Variants in ALK observed in about 807,000 individuals in gnomAD.
ALK encodes ALK receptor tyrosine kinase, also known as ALK tyrosine kinase receptor.
In ALK, 74 loss-of-function variants were observed where a neutral mutation model predicts 163.1. The observed-to-expected ratio is 0.45, with a 90% CI of 0.38 to 0.55. ALK has a LOEUF of 0.55. Ranked by LOEUF, ALK falls within the 20% of genes least tolerant of loss-of-function variation. The pLI is 0.00. For missense variants in ALK, 2,063 were observed against 2,105.3 expected (o/e 0.98, Z 0.39); for synonymous variants, 960 against 843.2 (o/e 1.14, Z -2.40).
At chr2:29,885,224 C>G (rs7590840) in intron 1 of ALK, among the ~76,000 whole-genome samples, 38,753 of 151,978 alleles carry the variant, frequency 0.25, 5,467 homozygotes, top group East Asian at 0.59. Flanking sequence ...GTAAGTTCAA[C>G]AATGAAGGCA....
intron 1 of ALK, among the ~76,000 whole-genome samples, chr2:29,726,550 A>T (rs1679581205): frequency 6.6e-6 from 1 of 152,218 alleles, no homozygotes; most frequent in Non-Finnish European, 1.5e-5. Flanking sequence ...GTCTCCAGAC[A>T]TGTTAGACAA....
At chr2:29,588,266 C>G (rs1324970100) in intron 3 of ALK, among the ~76,000 whole-genome samples, 1 of 152,118 alleles carries the variant, frequency 6.6e-6, no homozygotes, top group African/African-American at 2.4e-5. Flanking sequence ...GAGTCTCACT[C>G]TGTCGCCCAG....
intron 28 of ALK, 83 bp downstream of exon 28, chr2:29,196,687 A>G (rs2148141472): frequency 1.0e-6 from 1 of 988,300 alleles, no homozygotes; most frequent in Non-Finnish European, 1.6e-6. Flanking sequence ...GACTGGCTTG[A>G]CCTATTTCAT....
At chr2:29,420,688 G>C (rs930736739) in intron 4 of ALK, among the ~76,000 whole-genome samples, 3 of 151,532 alleles carry the variant, frequency 2.0e-5, no homozygotes, top group Non-Finnish European at 2.9e-5. Context: ...GAATAAGCAG[G>C]CAGAGTGGAT....
intron 26 of ALK, among the ~76,000 whole-genome samples, chr2:29,202,571 A>G (rs950657177): frequency 6.6e-6 from 1 of 152,268 alleles, no homozygotes; most frequent in Non-Finnish European, 1.5e-5. Flanking sequence ...ATTTTTAAAC[A>G]ATGCGTGAAA....
intron 4 of ALK, among the ~76,000 whole-genome samples, chr2:29,502,788 G>A (rs1274684061): frequency 6.6e-6 from 1 of 152,124 alleles, no homozygotes; most frequent in East Asian, 1.9e-4. Flanking sequence ...ACAGATGGAT[G>A]GGCTGGGTGC....
intron 3 of ALK, among the ~76,000 whole-genome samples, chr2:29,588,381 C>T (rs1674950981): frequency 6.6e-6 from 1 of 152,154 alleles, no homozygotes; most frequent in Non-Finnish European, 1.5e-5. Context: ...CAGGCACCCA[C>T]CACCATGCCT....
At chr2:29,616,142 T>G (rs1675838732) in intron 3 of ALK, among the ~76,000 whole-genome samples, 1 of 152,206 alleles carries the variant, frequency 6.6e-6, no homozygotes, top group South Asian at 2.1e-4. Context: ...AGACAGAGTA[T>G]GGCCACAGCT....
intron 11 of ALK, among the ~76,000 whole-genome samples, chr2:29,257,980 A>G (rs190305148): frequency 3.0e-4 from 45 of 152,336 alleles, no homozygotes; most frequent in African/African-American, 1.1e-3. Flanking sequence ...CTGGGACCAC[A>G]GGCACATGCC....
intron 4 of ALK, among the ~76,000 whole-genome samples, chr2:29,446,116 A>AG (rs1670672966): frequency 7.4e-6 from 1 of 135,452 alleles, no homozygotes; most frequent in Non-Finnish European, 1.6e-5. Context: ...AAAAAAAAAA[A>AG]AAAAAAAAAA....
chr2:29,844,385 T>G (rs1170872758), intron 1 of ALK, among the ~76,000 whole-genome samples: 2 of 152,128 alleles, frequency 1.3e-5, no homozygotes, highest in East Asian at 3.8e-4. Flanking sequence ...AGGGAATATT[T>G]TACCTTATCC....
At chr2:29,607,559 C>T (rs1258379028) in intron 3 of ALK, among the ~76,000 whole-genome samples, 1 of 152,186 alleles carries the variant, frequency 6.6e-6, no homozygotes, top group African/African-American at 2.4e-5. Flanking sequence ...ATTATGACCT[C>T]CAGATAGCTA....
chr2:29,765,346 C>T (rs1326839861), intron 1 of ALK, among the ~76,000 whole-genome samples: 4 of 152,184 alleles, frequency 2.6e-5, no homozygotes. Flanking sequence ...CATTTTCTCA[C>T]TGCCCTATCC....
At chr2:29,803,076 G>T (rs1369914676) in intron 1 of ALK, among the ~76,000 whole-genome samples, 1 of 152,194 alleles carries the variant, frequency 6.6e-6, no homozygotes, top group African/African-American at 2.4e-5. Flanking sequence ...TGTTATGCAA[G>T]TAAGGAATTG....
chr2:29,691,739 G>T (rs542037171), intron 3 of ALK, among the ~76,000 whole-genome samples: 1 of 152,026 alleles, frequency 6.6e-6, no homozygotes, highest in South Asian at 2.1e-4. Context: ...TGTATTGTGC[G>T]CATGTCAGCG....
chr2:29,697,872 G>A (rs951986079), intron 2 of ALK, among the ~76,000 whole-genome samples: 1 of 152,238 alleles, frequency 6.6e-6, no homozygotes, highest in Non-Finnish European at 1.5e-5. Flanking sequence ...AAGGCAGGCA[G>A]CCGGCCACTG....
intron 9 of ALK, among the ~76,000 whole-genome samples, chr2:29,291,858 C>G (rs1004609477): frequency 3.9e-5 from 6 of 152,184 alleles, no homozygotes; most frequent in Non-Finnish European, 8.8e-5. Flanking sequence ...TCTTCAATGC[C>G]TTTCTCATCA....
chr2:29,615,362 T>A (rs1194593427), intron 3 of ALK, among the ~76,000 whole-genome samples: 1 of 152,140 alleles, frequency 6.6e-6, no homozygotes, highest in Admixed American at 6.5e-5. Flanking sequence ...CTGTCTGGAG[T>A]CACATTCCAG....
intron 3 of ALK, among the ~76,000 whole-genome samples, chr2:29,653,999 G>A (rs1277017881): frequency 5.3e-5 from 8 of 152,188 alleles, no homozygotes; most frequent in Admixed American, 2.0e-4. Flanking sequence ...GGGAGGTTGC[G>A]GTGAGCTGAG....
Sources: gnomAD v4.1 joint callset for allele counts (sites outside exome capture counted in the v4.1 genomes callset) on GRCh38, gnomAD v4.1.1 for gene constraint, MANE v1.5 for transcripts, NCBI Gene and HGNC (gene_info 2026-07-23, HGNC 2026-07-21) for gene names.